CLIC5: variants seen among roughly 807,000 people sequenced by gnomAD.
The protein encoded by CLIC5 is CLIC family member 5, also known as chloride intracellular channel protein 5.
CLIC5 carries 20 observed loss-of-function variants against 24.7 expected under a neutral mutation model. The observed-to-expected ratio is 0.81, with a 90% CI of 0.57 to 1.18. CLIC5 has a LOEUF of 1.18. Ranked by LOEUF, CLIC5 falls within the 50% of genes most tolerant of loss-of-function variation. The pLI is 0.00. For synonymous variants in CLIC5, 159 were observed against 135.6 expected, an observed-to-expected ratio of 1.17 and a Z score of -1.20; for missense variants, 341 against 326.1, an observed-to-expected ratio of 1.05 and a Z score of -0.35.
intron 1 of CLIC5, among the ~76,000 whole-genome samples, chr6:45,993,431 TAC>T (rs1291227540): frequency 6.6e-6 from 1 of 152,244 alleles, no homozygotes; most frequent in African/African-American, 2.4e-5. Context: ...TGCTTAGCTT[TAC>T]AAAAAGAGTT....
chr6:45,985,856 G>T (rs1348641232), intron 1 of CLIC5, among the ~76,000 whole-genome samples: 1 of 152,050 alleles, frequency 6.6e-6, no homozygotes, highest in Non-Finnish European at 1.5e-5. Context: ...ATGTGGTTTG[G>T]CTGTGTACCC....
At chr6:45,949,210 A>G (rs781066135) in intron 3 of CLIC5, 46 bp downstream of exon 3, 11 of 1,595,150 alleles carry the variant, frequency 6.9e-6, no homozygotes, top group Non-Finnish European at 8.5e-6. Flanking sequence ...TAGATCCAGC[A>G]TGAACCCTTC....
chr6:46,017,693 T>A (rs949484834), upstream of CLIC5, among the ~76,000 whole-genome samples: 2 of 152,050 alleles, frequency 1.3e-5, no homozygotes, highest in Non-Finnish European at 2.9e-5. Flanking sequence ...ATTGGGAAGA[T>A]GAAGGAGCTA....
At chr6:46,107,198 C>G in the CLIC5 span, among the ~76,000 whole-genome samples, 6 of 152,020 alleles carry the variant, frequency 3.9e-5, no homozygotes, top group African/African-American at 1.4e-4. Flanking sequence ...ATTGGTCAGA[C>G]AGGTGTATAC....
rs181072950 is a variant in CLIC5, at chr6:45,930,027, G to T, written c.406+11520C>A. On this transcript the variant is annotated intron_variant, in intron 4 of 5. Coordinates refer to ENST00000339561, the MANE Select transcript of CLIC5 (RefSeq NM_016929.5). ...AGGGAGGAAGGGGAGAAGGCATGAA[G>T]CGCCTTATGATTGAAGTGGCTTGGA... is the stretch of plus-strand genomic sequence containing the variant. Among the ~76,000 whole-genome samples, 7 of 152,252 alleles carry T rather than the reference G, an allele frequency of 4.6e-5. No homozygotes were observed. In the East Asian group the frequency reaches 1.4e-3, roughly 29 times the overall value.
chr6:46,021,088 CAAAAAAAAAA>C (rs61574485), intron 1 of CLIC5, among the ~76,000 whole-genome samples: 1 of 71,888 alleles, frequency 1.4e-5, no homozygotes, highest in African/African-American at 4.7e-5. Context: ...TTTTACAACT[CAAAAAAAAAA>C]AAAAAAAAAA....
rs36124366 is a variant in CLIC5 at position 45,922,835 on chromosome 6, T to TAGAGAGAGAGAG, written c.407-8438_407-8427dup. On this transcript the variant is annotated intron_variant, in intron 4 of 5. Transcript: ENST00000339561. ...AGAGAGAGAGAGAAAGAGAGAGAGATAGAGAGAGAGAGAGAGAGAGAGACT... is the reference window on the plus strand; with the variant it reads ...AGAGAGAGAGAGAAAGAGAGAGAGATAGAGAGAGAGAGAGAGAGAGAGAGAGAGAGAGAGACT... Among the ~76,000 whole-genome samples the TAGAGAGAGAGAG allele has an allele frequency of 2.4e-4, 34 of 144,386 alleles. No homozygotes were observed. The East Asian group carries it at 3.1e-3, about 13-fold the overall frequency. 94.7% of individuals were successfully genotyped at this position (144,386 alleles called of 152,430 possible). A position where few individuals can be genotyped will look rare whatever the true frequency, so the allele number is the denominator to read the frequency against.
intron 1 of CLIC5, among the ~76,000 whole-genome samples, chr6:45,958,083 C>G (rs1013475976): frequency 6.6e-6 from 1 of 152,054 alleles, no homozygotes; most frequent in African/African-American, 2.4e-5. Context: ...CAGGTGGAAT[C>G]AACTTGAAGA....
rs139596124 is a variant in CLIC5, at chr6:46,041,076, G to A, written c.540+38627C>T. Among the ~76,000 whole-genome samples the A allele has an allele frequency of 2.9e-3, 440 of 152,298 alleles. 1 individual carries two copies. The highest frequency in any genetic ancestry group is 9.3e-3 in the African/African-American group (387 of 41,552). On this transcript the variant is annotated intron_variant, in intron 1 of 5. Coordinates refer to the CLIC5 transcript ENST00000185206. ...AAGAAAATTGTGATACATCAAGATG[G>A]TGGAATAATATTATGTAGCTATTGA... is the stretch of plus-strand genomic sequence containing the variant.
intron 1 of CLIC5, among the ~76,000 whole-genome samples, chr6:46,034,801 C>T (rs1399828416): frequency 6.6e-6 from 1 of 152,154 alleles, no homozygotes; most frequent in Non-Finnish European, 1.5e-5. Flanking sequence ...AAAGGAGCCT[C>T]CAGCTGACAG....
At chr6:45,928,756 C>T (rs9395136) in intron 4 of CLIC5, among the ~76,000 whole-genome samples, 2 of 138,006 alleles carry the variant, frequency 1.4e-5, no homozygotes, top group Admixed American at 7.2e-5. Context: ...AGAACACACA[C>T]GAAGTGCATA....
At position 46,026,287 on chromosome 6, in the gene CLIC5, T is replaced by A. The variant is rs117978390; in HGVS notation, c.540+53416A>T. On this transcript the variant is annotated intron_variant, in intron 1 of 5. Coordinates refer to the CLIC5 transcript ENST00000185206. ...CCTCCTGTAGAATTCTAGGAACATG[T>A]CTGTATTTAAGCTGTTTTCTGTTTC... 6.7e-4 allele frequency among the ~76,000 whole-genome samples: 102 copies of A among 152,292 alleles called. 1 individual carries two copies. In the East Asian group the frequency reaches 0.019, roughly 28 times the overall value.
At chr6:46,053,049 G>T (rs1339086283) in intron 1 of CLIC5, among the ~76,000 whole-genome samples, 1 of 152,026 alleles carries the variant, frequency 6.6e-6, no homozygotes, top group Non-Finnish European at 1.5e-5. Context: ...CTAGAAATAA[G>T]GAAAGCCTCT....
At chr6:46,061,588 A>C (rs1762285709) in intron 1 of CLIC5, among the ~76,000 whole-genome samples, 1 of 152,194 alleles carries the variant, frequency 6.6e-6, no homozygotes, top group Non-Finnish European at 1.5e-5. Flanking sequence ...TAGAGACTAG[A>C]GGGGCAACAT....
chr6:46,055,518 G>A (rs1018447521), intron 1 of CLIC5, among the ~76,000 whole-genome samples: 8 of 152,218 alleles, frequency 5.3e-5, no homozygotes, highest in African/African-American at 1.7e-4. Context: ...GATTACAGGC[G>A]TGAGCCACCG....
rs975189703 is a variant in CLIC5 at position 46,051,076 on chromosome 6, C to G, written c.540+28627G>C. ...CTGCCTTAGTCATCAACAGTGGCCCCCATCTCTGAACTCTTAGAACATAAC... is the reference window on the plus strand; with the variant it reads ...CTGCCTTAGTCATCAACAGTGGCCCGCATCTCTGAACTCTTAGAACATAAC... On this transcript the variant is annotated intron_variant, in intron 1 of 5. Transcript: ENST00000185206. 3.3e-5 allele frequency among the ~76,000 whole-genome samples: 5 copies of G among 152,262 alleles called. No individual in the cohort carries two copies. The East Asian group carries it at 7.7e-4, about 24-fold the overall frequency.
At chr6:45,956,579 A>G (rs1405505717) in intron 1 of CLIC5, among the ~76,000 whole-genome samples, 1 of 150,370 alleles carries the variant, frequency 6.7e-6, no homozygotes, top group Non-Finnish European at 1.5e-5. Flanking sequence ...TCAGATGGGG[A>G]GGCAGCGATG....
intron 1 of CLIC5, among the ~76,000 whole-genome samples, chr6:46,056,076 T>C (rs1300838737): frequency 6.6e-6 from 1 of 152,206 alleles, no homozygotes; most frequent in East Asian, 1.9e-4. Context: ...ATGGTGCAGA[T>C]GTTAAATTTT....
intron 1 of CLIC5, among the ~76,000 whole-genome samples, chr6:46,030,705 TCCAAACCTCC>T (rs1293191757): frequency 6.6e-6 from 1 of 152,182 alleles, no homozygotes; most frequent in Non-Finnish European, 1.5e-5. Context: ...ACCTTGCTGT[TCCAAACCTCC>T]ATGCCTTTGC....
Sources: gnomAD v4.1 joint callset for allele counts (sites outside exome capture counted in the v4.1 genomes callset) on GRCh38, gnomAD v4.1.1 for gene constraint, MANE v1.5 for transcripts, NCBI Gene and HGNC (gene_info 2026-07-23, HGNC 2026-07-21) for gene names.